The following TC2N variants were observed in gnomAD, a reference collection of about 807,000 sequenced individuals.
TC2N encodes the protein tandem C2 domains, nuclear, also known as tandem C2 domains nuclear protein.
A neutral mutation model predicts 61.9 loss-of-function variants in TC2N; 51 were observed. The ratio of observed to expected loss-of-function variants is 0.82; its 90% CI spans 0.66 to 1.04. The LOEUF is 1.04. Ranked by LOEUF, TC2N falls within the 50% of genes least tolerant of loss-of-function variation. The pLI, the probability that TC2N is intolerant of heterozygous loss-of-function variation, is 0.00. For missense variants in TC2N, 556 were observed against 566.7 expected (o/e 0.98, Z 0.19); for synonymous variants, 204 against 192.6 (o/e 1.06, Z -0.49).
At chr14:91,793,586 T>C (rs1279889319) in intron 8 of TC2N, among the ~76,000 whole-genome samples, 1 of 152,240 alleles carries the variant, frequency 6.6e-6, no homozygotes, top group Non-Finnish European at 1.5e-5. Flanking sequence ...ATTATTATTA[T>C]ATCTGTTACG....
chr14:91,797,974 G>C (rs1885994725), intron 7 of TC2N, 73 bp from the exon 8 acceptor site: 1 of 1,014,480 alleles, frequency 9.9e-7, no homozygotes, highest in Non-Finnish European at 1.5e-6. Flanking sequence ...TATTTCTTGA[G>C]GTACTGACTT....
In TC2N at chr14:91,792,457, T is replaced by C; in HGVS notation, c.957A>G (p.Lys319=). The change falls in exon 9 of 12, where the codon AAA becomes AAG. Residue 319 remains lysine, a synonymous_variant. Transcript: ENST00000435962. The part of the protein sequence containing the change: ...FKIQTQTPRK[K]TIGECSMSLR... Reference sequence around the variant, plus strand: ...GTGACATTGAGCATTCTCCAATGGTTTTCTTCCTGGGAGTCTGGGTTTGAA... The same window carrying C: ...GTGACATTGAGCATTCTCCAATGGTCTTCTTCCTGGGAGTCTGGGTTTGAA... The C allele has an allele frequency of 2.5e-6, 4 of 1,611,622 alleles. No homozygotes were observed. The highest frequency in any genetic ancestry group is 3.4e-6 in the Non-Finnish European group (4 of 1,178,340).
intron 1 of TC2N, among the ~76,000 whole-genome samples, chr14:91,851,740 G>A (rs1888380692): frequency 6.6e-6 from 1 of 152,088 alleles, no homozygotes; most frequent in Non-Finnish European, 1.5e-5. Context: ...CACTAGCCTG[G>A]TGCCATTCAG....
intron 10 of TC2N, among the ~76,000 whole-genome samples, chr14:91,786,545 T>G (rs1026676733): frequency 6.6e-6 from 1 of 152,218 alleles, no homozygotes; most frequent in Admixed American, 6.5e-5. Context: ...TTTTCATGCT[T>G]ATTCTTTTAT....
At chr14:91,864,323 T>C (rs902535282) in intron 1 of TC2N, among the ~76,000 whole-genome samples, 4 of 152,182 alleles carry the variant, frequency 2.6e-5, no homozygotes, top group Non-Finnish European at 5.9e-5. Context: ...TCCATGCTTG[T>C]AGGGGAGTAG....
chr14:91,827,133 T>C (rs1044322125), intron 1 of TC2N, among the ~76,000 whole-genome samples: 2 of 152,240 alleles, frequency 1.3e-5, no homozygotes, highest in Admixed American at 6.5e-5. Context: ...TTGTCCTACT[T>C]GTTCTCTGTT....
chr14:91,790,302 C>T (rs1885584097), intron 9 of TC2N, among the ~76,000 whole-genome samples: 1 of 152,286 alleles, frequency 6.6e-6, no homozygotes, highest in Admixed American at 6.5e-5. Flanking sequence ...GAAAGTTGTG[C>T]TGTTCATGGT....
At chr14:91,801,938 C>A (rs1886269190) in intron 4 of TC2N, among the ~76,000 whole-genome samples, 1 of 152,072 alleles carries the variant, frequency 6.6e-6, no homozygotes, top group Admixed American at 6.6e-5. Context: ...ACTCTCTTAG[C>A]ACTTTTCAAG....
intron 9 of TC2N, among the ~76,000 whole-genome samples, chr14:91,789,635 A>C (rs1885549982): frequency 1.3e-5 from 2 of 150,504 alleles, no homozygotes; most frequent in Non-Finnish European, 3.0e-5. Flanking sequence ...AAAAAAAAAA[A>C]CAGAGCAGCA....
chr14:91,826,287 T>C (rs369256461), intron 1 of TC2N, among the ~76,000 whole-genome samples: 207 of 134,376 alleles, frequency 1.5e-3, no homozygotes, highest in African/African-American at 5.5e-3. Context: ...ATCACTGCAC[T>C]ACAGCCTGGG....
At chr14:91,826,470 T>C (rs2139887580) in intron 1 of TC2N, among the ~76,000 whole-genome samples, 1 of 152,278 alleles carries the variant, frequency 6.6e-6, no homozygotes, top group South Asian at 2.1e-4. Flanking sequence ...CTATCAGATT[T>C]GTTTCATATA....
intron 3 of TC2N, among the ~76,000 whole-genome samples, chr14:91,810,588 C>T (rs1886719364): frequency 6.6e-6 from 1 of 151,770 alleles, no homozygotes. Flanking sequence ...CCACAGAATC[C>T]AAACCTAGAT....
chr14:91,811,151 G>A (rs112919852), intron 3 of TC2N, among the ~76,000 whole-genome samples: 2,328 of 152,136 alleles, frequency 0.015, 54 homozygotes, highest in African/African-American at 0.05. Context: ...TAAAGAGATC[G>A]TTGAACCCAG....
At chr14:91,793,778 T>C (rs1185934781) in intron 8 of TC2N, among the ~76,000 whole-genome samples, 3 of 152,090 alleles carry the variant, frequency 2.0e-5, no homozygotes, top group Admixed American at 2.0e-4. Flanking sequence ...CACAACAATA[T>C]TGAAATTAGG....
chr14:91,784,252 C>T (rs570872512), intron 11 of TC2N, among the ~76,000 whole-genome samples: 12 of 152,138 alleles, frequency 7.9e-5, no homozygotes, highest in South Asian at 4.1e-4. Flanking sequence ...CGATGATATA[C>T]GAAAACTTTA....
chr14:91,787,789 T>A (rs1223842407), intron 9 of TC2N, among the ~76,000 whole-genome samples, 162 bp from the exon 10 acceptor site: 1 of 152,192 alleles, frequency 6.6e-6, no homozygotes, highest in Non-Finnish European at 1.5e-5. Flanking sequence ...ATAAATATCA[T>A]GAATTCTTTA....
intron 3 of TC2N, among the ~76,000 whole-genome samples, chr14:91,811,370 T>TA (rs1462647855): frequency 6.6e-6 from 1 of 152,038 alleles, no homozygotes; most frequent in Admixed American, 6.6e-5. Flanking sequence ...GTTTTTTTTT[T>TA]ATTTTCCTGT....
chr14:91,841,450 G>A (rs992966889), intron 1 of TC2N, among the ~76,000 whole-genome samples: 1 of 152,204 alleles, frequency 6.6e-6, no homozygotes, highest in Non-Finnish European at 1.5e-5. Context: ...TTTGGAAGGT[G>A]AAAGTGGAGC....
chr14:91,865,378 TTTTTTTTTTTTTA>T (rs1037282974), intron 1 of TC2N, among the ~76,000 whole-genome samples: 2 of 146,162 alleles, frequency 1.4e-5, no homozygotes, highest in African/African-American at 5.1e-5. Flanking sequence ...GGTTTTTTTT[TTTTTTTTTTTTTA>T]AAAAAACATC....
Sources: gnomAD v4.1 joint callset for allele counts (sites outside exome capture counted in the v4.1 genomes callset) on GRCh38, gnomAD v4.1.1 for gene constraint, MANE v1.5 for transcripts, NCBI Gene and HGNC (gene_info 2026-07-23, HGNC 2026-07-21) for gene names.